The following USP24 variants were observed in gnomAD, a reference collection of about 807,000 sequenced individuals.
The protein encoded by USP24 is ubiquitin carboxyl-terminal hydrolase 24.
Under a neutral mutation model 361.6 loss-of-function variants are expected in USP24, and 97 were observed. That is an observed-to-expected ratio of 0.27 (90% CI 0.23 to 0.32). The LOEUF is 0.32. Among genes scored for constraint, USP24 ranks in the 10% least tolerant of loss-of-function variants. The pLI is 1.00. For missense variants in USP24, 2,353 were observed against 3,165.6 expected (o/e 0.74, Z 6.16); for synonymous variants, 1,098 against 1,124.6 (o/e 0.98, Z 0.47).
At chr1:55,181,193 C>A (rs1206959505) in intron 1 of USP24, among the ~76,000 whole-genome samples, 1 of 151,846 alleles carries the variant, frequency 6.6e-6, no homozygotes, top group East Asian at 1.9e-4. Context: ...TCATAAAACA[C>A]AGAAGAAAAC....
At chr1:55,082,444 T>C (rs1416643901) in intron 58 of USP24, among the ~76,000 whole-genome samples, 2 of 152,164 alleles carry the variant, frequency 1.3e-5, no homozygotes, top group Non-Finnish European at 2.9e-5. Flanking sequence ...ATCTATCAAA[T>C]AAAAGAAATA....
intron 21 of USP24, 88 bp from the exon 22 acceptor site, chr1:55,143,207 G>T: frequency 1.1e-6 from 1 of 940,122 alleles, no homozygotes. Flanking sequence ...TACATCATGA[G>T]TCCACACCTC....
At chr1:55,148,764 C>G (rs1435506896) in intron 16 of USP24, among the ~76,000 whole-genome samples, 194 bp from the exon 17 acceptor site, 2 of 152,158 alleles carry the variant, frequency 1.3e-5, no homozygotes, top group East Asian at 3.8e-4. Context: ...CATGCAATTT[C>G]CTAAAGCTAA....
At chr1:55,094,788 C>T (rs1645459206) in intron 51 of USP24, among the ~76,000 whole-genome samples, 1 of 151,714 alleles carries the variant, frequency 6.6e-6, no homozygotes, top group African/African-American at 2.4e-5. Flanking sequence ...TGCTTGAGCC[C>T]AGGAGTTCCA....
chr1:55,107,168 A>C (rs2100533525), intron 40 of USP24, 71 bp downstream of exon 40: 1 of 1,488,772 alleles, frequency 6.7e-7, no homozygotes, highest in Non-Finnish European at 9.0e-7. Flanking sequence ...TTATTTTCCC[A>C]CTTACACACA....
intron 17 of USP24, among the ~76,000 whole-genome samples, 165 bp from the exon 18 acceptor site, chr1:55,147,963 A>G (rs1311924901): frequency 6.6e-6 from 1 of 152,200 alleles, no homozygotes; most frequent in Non-Finnish European, 1.5e-5. Flanking sequence ...TCAATCTGGT[A>G]TGTACATTTA....
chr1:55,150,743 T>C (rs1452248710), intron 16 of USP24, among the ~76,000 whole-genome samples: 2 of 152,256 alleles, frequency 1.3e-5, no homozygotes, highest in African/African-American at 4.8e-5. Context: ...ATTTCTGATA[T>C]AGCCTTCTTA....
At chr1:55,100,701 G>T (rs1645611550) in intron 44 of USP24, 138 bp downstream of exon 44, 2 of 896,712 alleles carry the variant, frequency 2.2e-6, no homozygotes, top group Non-Finnish European at 3.1e-6. Context: ...TTTCAACAAT[G>T]GTATACCAAA....
rs1278972051 is a variant in USP24, at chr1:55,067,471, AC to A, written c.*1573del. On this transcript the variant is annotated 3_prime_UTR_variant, in exon 68 of 68. Transcript: ENST00000294383. ...CTTCTCAGTGTGTTTGACAAAGGCCACTGCCAACCTCCAGCAAGTCACAGAA... is the reference window on the plus strand; with the variant it reads ...CTTCTCAGTGTGTTTGACAAAGGCCATGCCAACCTCCAGCAAGTCACAGAA... The A allele has an allele frequency of 6.6e-6, 1 of 152,302 alleles. No individual in the cohort carries two copies. Among genetic ancestry groups the A allele is most frequent in the Admixed American group, 6.5e-5 (1 of 15,284 alleles). The allele number at this position is 152,302 out of a possible 1,614,324, so 9.4% of individuals were successfully genotyped here. A position where few individuals can be genotyped will look rare whatever the true frequency, so the allele number is the denominator to read the frequency against.
rs903120586 is a variant in USP24, at chr1:55,214,902, C to G, written c.212G>C (p.Arg71Pro). Residue 71 changes from arginine to proline, a missense_variant, in exon 1 of 68, where the codon CGG becomes CCG. Coordinates refer to ENST00000294383, the MANE Select transcript of USP24 (RefSeq NM_015306.3). ...GCCGCCGTCACCTCCGCCGTCGCCC[C>G]GCGGGCCCCCGCCGGGCCCGGGGCT... ...GPSPGPGGGPRGDGGGDGGGG... is the reference protein window; with the variant it reads ...GPSPGPGGGPPGDGGGDGGGG... 2.4e-6 allele frequency: 3 copies of G among 1,275,576 alleles called. No individual in the cohort carries two copies. The highest frequency in any genetic ancestry group is 3.0e-6 in the Non-Finnish European group (3 of 1,003,788). 79.0% of individuals were successfully genotyped at this position (1,275,576 alleles called of 1,614,324 possible). A position where few individuals can be genotyped will look rare whatever the true frequency, so the allele number is the denominator to read the frequency against.
chr1:55,068,182 T>C lies in USP24; in HGVS notation c.*863A>G, dbSNP rs1243974194. The C allele has an allele frequency of 6.6e-6, 1 of 152,252 alleles. No individual in the cohort carries two copies. The highest frequency in any genetic ancestry group is 1.5e-5 in the Non-Finnish European group (1 of 68,048). The allele number at this position is 152,252 out of a possible 1,614,324, so 9.4% of individuals were successfully genotyped here. On this transcript the variant is annotated 3_prime_UTR_variant, in exon 68 of 68. Transcript: ENST00000294383. ...AGTTTATTCAATATGTCTCCAAGCA[T>C]TAAAAAGATAATTCTGTGAAGTTAA...
chr1:55,070,068 T>C (rs1322986123), intron 67 of USP24, among the ~76,000 whole-genome samples: 1 of 151,544 alleles, frequency 6.6e-6, no homozygotes, highest in Non-Finnish European at 1.5e-5. Flanking sequence ...AGAGAGGGGC[T>C]GATGACAGGT....
intron 67 of USP24, chr1:55,071,096 C>A (rs1644910819): frequency 1.0e-6 from 1 of 968,136 alleles, no homozygotes. Flanking sequence ...TCACATAGTG[C>A]TTATGAGGAT....
chr1:55,108,677 C>T, intron 39 of USP24, among the ~76,000 whole-genome samples: 1 of 152,182 alleles, frequency 6.6e-6, no homozygotes, highest in East Asian at 1.9e-4. Context: ...CCTCATTTAT[C>T]ACTCAACAAC....
chr1:55,107,619 G>A (rs488522), intron 39 of USP24, among the ~76,000 whole-genome samples, 189 bp from the exon 40 acceptor site: 8,504 of 151,888 alleles, frequency 0.056, 459 homozygotes, highest in Admixed American at 0.16. Context: ...TGAGGTGGGC[G>A]GATCATGAGG....
At chr1:55,155,158 C>T (rs1647506995) in intron 12 of USP24, among the ~76,000 whole-genome samples, 1 of 152,118 alleles carries the variant, frequency 6.6e-6, no homozygotes, top group South Asian at 2.1e-4. Flanking sequence ...ATAAATGATC[C>T]TGAAGGTTCC....
At chr1:55,147,869 G>C in intron 17 of USP24, 71 bp from the exon 18 acceptor site, 2 of 1,507,800 alleles carry the variant, frequency 1.3e-6, no homozygotes, top group Non-Finnish European at 1.8e-6. Context: ...AATACAAGCT[G>C]CTATTTAAAG....
intron 18 of USP24, among the ~76,000 whole-genome samples, 198 bp downstream of exon 18, chr1:55,147,451 A>T (rs1647059567): frequency 6.6e-6 from 1 of 152,216 alleles, no homozygotes; most frequent in Non-Finnish European, 1.5e-5. Context: ...CAGATCAAAG[A>T]CAAAAAAAAG....
At chr1:55,107,858 A>C (rs1328959751) in intron 39 of USP24, among the ~76,000 whole-genome samples, 17 of 149,664 alleles carry the variant, frequency 1.1e-4, no homozygotes, top group African/African-American at 3.9e-4. Context: ...AAAAAAAAAA[A>C]AAAAAAAACA....
Sources: gnomAD v4.1 joint callset for allele counts (sites outside exome capture counted in the v4.1 genomes callset) on GRCh38, gnomAD v4.1.1 for gene constraint, MANE v1.5 for transcripts, NCBI Gene and HGNC (gene_info 2026-07-23, HGNC 2026-07-21) for gene names.